The following KCNMA1 variants were observed in gnomAD, a reference collection of about 807,000 sequenced individuals.
KCNMA1 encodes the protein Calcium-activated potassium channel subunit alpha-1.
In KCNMA1, 29 loss-of-function variants were observed where a neutral mutation model predicts 140.0. The ratio of observed to expected loss-of-function variants is 0.21; its 90% CI spans 0.15 to 0.28. The LOEUF (loss-of-function observed/expected upper bound fraction) is 0.28. Among genes scored for constraint, KCNMA1 ranks in the 10% least tolerant of loss-of-function variants. KCNMA1 has a pLI of 1.00. For synonymous variants in KCNMA1, 612 were observed against 611.9 expected (o/e 1.00, Z 0.00); for missense variants, 880 against 1,602.2 (o/e 0.55, Z 7.70).
chr10:77,382,061 A>G (rs1313726435), intron 2 of KCNMA1, among the ~76,000 whole-genome samples: 1 of 152,132 alleles, frequency 6.6e-6, no homozygotes, highest in Non-Finnish European at 1.5e-5. Context: ...CCCTTCATCT[A>G]GGAAGAGTCA....
chr10:77,341,664 G>T (rs968099692), intron 2 of KCNMA1, among the ~76,000 whole-genome samples: 2 of 152,216 alleles, frequency 1.3e-5, no homozygotes, highest in Non-Finnish European at 2.9e-5. Flanking sequence ...GCCAGGAAAA[G>T]TTGCTGAAGG....
At chr10:77,016,562 G>A (rs113304960) in intron 17 of KCNMA1, among the ~76,000 whole-genome samples, 201 of 152,212 alleles carry the variant, frequency 1.3e-3, no homozygotes, top group African/African-American at 4.4e-3. Context: ...ATAAAAGCTC[G>A]TAACTTTTTT....
intron 16 of KCNMA1, chr10:77,022,863 G>T: frequency 2.3e-6 from 1 of 434,610 alleles, no homozygotes; most frequent in East Asian, 7.6e-5. Context: ...TAGGGGATTG[G>T]CCAATGATCT....
rs1405332425 is a variant in KCNMA1 at position 76,884,926 on chromosome 10, A to G, written c.*2340T>C. 21 of 1,498,718 alleles carry G rather than the reference A, an allele frequency of 1.4e-5. No homozygotes were observed. Among genetic ancestry groups the G allele is most frequent in the Non-Finnish European group, 1.9e-5 (21 of 1,127,036 alleles). 92.8% of individuals were successfully genotyped at this position (1,498,718 alleles called of 1,614,324 possible). ...TAATTTCACAAAAGTTTTCACAAGG[A>G]CAACGTTATAGAAGAAAACCCCCAG... On this transcript the variant is annotated 3_prime_UTR_variant, in exon 28 of 28. Transcript: ENST00000286628.
At chr10:77,185,428 G>A (rs555141609) in intron 3 of KCNMA1, among the ~76,000 whole-genome samples, 11 of 152,122 alleles carry the variant, frequency 7.2e-5, no homozygotes, top group Non-Finnish European at 1.2e-4. Context: ...ATAAATTCAG[G>A]ACCCAGGAGC....
intron 5 of KCNMA1, among the ~76,000 whole-genome samples, chr10:77,145,853 A>T (rs2098278588): frequency 1.3e-5 from 2 of 152,176 alleles, no homozygotes; most frequent in African/African-American, 4.8e-5. Context: ...CTCTGCCATT[A>T]ATTGGGAGTG....
intron 2 of KCNMA1, among the ~76,000 whole-genome samples, chr10:77,300,637 C>T (rs1384137721): frequency 6.6e-6 from 1 of 152,166 alleles, no homozygotes; most frequent in Non-Finnish European, 1.5e-5. Context: ...TTCTCATCAA[C>T]GTATTTGAGT....
intron 2 of KCNMA1, among the ~76,000 whole-genome samples, chr10:77,379,204 C>A (rs1241558233): frequency 6.6e-6 from 1 of 152,160 alleles, no homozygotes; most frequent in Non-Finnish European, 1.5e-5. Flanking sequence ...GAATTCTGAG[C>A]CTTTTTCCCA....
chr10:77,620,291 A>G (rs2090978739), intron 1 of KCNMA1, among the ~76,000 whole-genome samples: 1 of 152,120 alleles, frequency 6.6e-6, no homozygotes. Flanking sequence ...CCTGGTAAGG[A>G]GACTGCTGTG....
intron 1 of KCNMA1, among the ~76,000 whole-genome samples, chr10:77,453,370 T>TAAA (rs1220492855): frequency 3.4e-4 from 51 of 149,888 alleles, no homozygotes; most frequent in African/African-American, 1.2e-3. Flanking sequence ...TAAATATAAA[T>TAAA]AAATAAATAA....
intron 2 of KCNMA1, among the ~76,000 whole-genome samples, chr10:77,307,129 G>A (rs1307299704): frequency 6.6e-6 from 1 of 152,090 alleles, no homozygotes. Context: ...CAGTTCAAAG[G>A]TCATCAATTG....
chr10:77,052,744 C>T (rs1030361619), intron 14 of KCNMA1, among the ~76,000 whole-genome samples: 2 of 152,146 alleles, frequency 1.3e-5, no homozygotes, highest in Non-Finnish European at 2.9e-5. Flanking sequence ...TGGTCAGAGT[C>T]TTCAGCTACT....
At chr10:77,070,619 T>C (rs915417211) in intron 14 of KCNMA1, among the ~76,000 whole-genome samples, 2 of 152,248 alleles carry the variant, frequency 1.3e-5, no homozygotes, top group Non-Finnish European at 2.9e-5. Flanking sequence ...ACGGAGGTCA[T>C]TGGAGAAGGA....
intron 3 of KCNMA1, among the ~76,000 whole-genome samples, chr10:77,214,581 C>T (rs1161936879): frequency 6.6e-6 from 1 of 152,182 alleles, no homozygotes; most frequent in Non-Finnish European, 1.5e-5. Flanking sequence ...ACCACATTTC[C>T]AGAGACTACT....
At chr10:77,193,056 T>TC (rs1164384410) in intron 3 of KCNMA1, among the ~76,000 whole-genome samples, 3 of 152,080 alleles carry the variant, frequency 2.0e-5, no homozygotes, top group Non-Finnish European at 4.4e-5. Flanking sequence ...CTAGTTTTTT[T>TC]TTTTAGAGAT....
At chr10:77,376,968 C>G (rs1234363815) in intron 2 of KCNMA1, among the ~76,000 whole-genome samples, 1 of 151,990 alleles carries the variant, frequency 6.6e-6, no homozygotes, top group Non-Finnish European at 1.5e-5. Flanking sequence ...TACATACATA[C>G]ATACATACAT....
At chr10:76,999,725 T>C (rs932878654) in intron 19 of KCNMA1, among the ~76,000 whole-genome samples, 6 of 152,176 alleles carry the variant, frequency 3.9e-5, no homozygotes, top group African/African-American at 1.4e-4. Context: ...TTTAGGCCCA[T>C]ATGGCAGTCC....
intron 2 of KCNMA1, among the ~76,000 whole-genome samples, chr10:77,361,854 G>A (rs1053357516): frequency 4.6e-5 from 7 of 152,344 alleles, no homozygotes; most frequent in East Asian, 1.9e-4. Context: ...AAGCGGGAAC[G>A]AAAGCAAGGC....
intron 3 of KCNMA1, among the ~76,000 whole-genome samples, chr10:77,199,795 G>A (rs1598533276): frequency 1.3e-5 from 2 of 152,106 alleles, no homozygotes; most frequent in African/African-American, 4.8e-5. Context: ...TTCTGGGAGT[G>A]GAAGGACACC....
Sources: allele counts gnomAD v4.1 joint callset (sites outside exome capture counted in the v4.1 genomes callset), GRCh38; gene constraint gnomAD v4.1.1; transcripts MANE v1.5; gene names NCBI Gene and HGNC (gene_info 2026-07-23, HGNC 2026-07-21).